Variants in TEX26 observed in about 807,000 individuals in gnomAD.
TEX26 encodes the protein testis-expressed protein 26.
A neutral mutation model predicts 35.3 loss-of-function variants in TEX26; 34 were observed. The observed-to-expected ratio is 0.96, with a 90% CI of 0.73 to 1.28. The LOEUF is 1.28. TEX26 is among the 50% of genes most tolerant of loss of function. TEX26 has a pLI of 0.00. For missense variants in TEX26, 371 were observed against 330.1 expected, an observed-to-expected ratio of 1.12 and a Z score of -0.96; for synonymous variants, 136 against 111.8, an observed-to-expected ratio of 1.22 and a Z score of -1.36.
chr13:30,950,552 A>G (rs964083321), intron 2 of TEX26, among the ~76,000 whole-genome samples: 2 of 152,162 alleles, frequency 1.3e-5, no homozygotes, highest in Admixed American at 6.5e-5. Flanking sequence ...TAAGCATTCT[A>G]CATCCTCTCT....
In TEX26 at chr13:30,932,772, GC is replaced by G; in HGVS notation, c.59del (p.Pro20GlnfsTer14). 5.6e-6 allele frequency: 9 copies of G among 1,614,024 alleles called. No homozygotes were observed. Among genetic ancestry groups the G allele is most frequent in the Non-Finnish European group, 6.8e-6 (8 of 1,179,990 alleles). On this transcript the variant is annotated frameshift_variant, in exon 1 of 7. Coordinates refer to ENST00000380473, the MANE Select transcript of TEX26 (RefSeq NM_152325.3). LOFTEE classifies it high-confidence loss of function. ...DPSLCHHNLQ[P>X]TDDPNWDSYA... is the part of the protein sequence containing the mutation. ...CCTCTCTCTGCCACCACAACCTCCAGCCAAGTAAGACAGCAGACTCTGCCGG... is the reference window on the plus strand; with the variant it reads ...CCTCTCTCTGCCACCACAACCTCCAGCAAGTAAGACAGCAGACTCTGCCGG...
intron 4 of TEX26, among the ~76,000 whole-genome samples, chr13:30,963,304 G>T (rs7321407): frequency 1.1e-4 from 16 of 151,968 alleles, no homozygotes; most frequent in African/African-American, 3.4e-4. Context: ...AGGAACCCTG[G>T]GGGGAGGCGT....
At position 30,955,493 on chromosome 13, in the gene TEX26, G is replaced by A. The variant is rs184552146; in HGVS notation, c.313-1380G>A. ...GTTGATAGATTGTGAGGGAAAGAAG[G>A]GAATCAAGAGAGAACTTGAAAATTA... On this transcript the variant is annotated intron_variant, in intron 3 of 6. Transcript: ENST00000380473. 9.8e-5 allele frequency among the ~76,000 whole-genome samples: 15 copies of A among 152,304 alleles called. No individual in the cohort carries two copies. The East Asian group carries it at 2.9e-3, about 29-fold the overall frequency.
At chr13:30,937,452 A>G (rs1001321176) in intron 1 of TEX26, among the ~76,000 whole-genome samples, 1 of 152,208 alleles carries the variant, frequency 6.6e-6, no homozygotes. Context: ...TTTGTGCAGA[A>G]TATCCTTCCT....
chr13:30,943,267 G>A (rs12870193), intron 2 of TEX26, among the ~76,000 whole-genome samples: 32,835 of 151,906 alleles, frequency 0.22, 3,717 homozygotes, highest in East Asian at 0.44. Flanking sequence ...GTTGTACAAC[G>A]GATTGAGTTA....
At chr13:30,949,887 T>G (rs774197146) in intron 2 of TEX26, among the ~76,000 whole-genome samples, 36 of 152,142 alleles carry the variant, frequency 2.4e-4, no homozygotes, top group Non-Finnish European at 4.9e-4. Context: ...AAGTTACATA[T>G]AGTGAAAATT....
At chr13:30,948,954 C>G (rs1197774086) in intron 2 of TEX26, among the ~76,000 whole-genome samples, 1 of 152,200 alleles carries the variant, frequency 6.6e-6, no homozygotes. Context: ...CAGCTTTCTA[C>G]ATATGGCTAG....
At chr13:30,934,552 C>T (rs1157128130) in intron 1 of TEX26, among the ~76,000 whole-genome samples, 1 of 152,238 alleles carries the variant, frequency 6.6e-6, no homozygotes, top group Non-Finnish European at 1.5e-5. Context: ...CAAGTCTGCA[C>T]TCCCTCTACA....
At chr13:30,961,158 C>T (rs1168819020) in intron 4 of TEX26, among the ~76,000 whole-genome samples, 1 of 152,218 alleles carries the variant, frequency 6.6e-6, no homozygotes, top group Non-Finnish European at 1.5e-5. Flanking sequence ...CAGACTTTCA[C>T]TGACCCCTCT....
intron 3 of TEX26, among the ~76,000 whole-genome samples, chr13:30,954,230 T>C (rs2138259222): frequency 6.6e-6 from 1 of 150,852 alleles, no homozygotes; most frequent in African/African-American, 2.4e-5. Flanking sequence ...ATCCATTCAT[T>C]GTAATGTATT....
intron 3 of TEX26, among the ~76,000 whole-genome samples, chr13:30,956,377 G>C (rs1954131966): frequency 6.6e-6 from 1 of 151,934 alleles, no homozygotes; most frequent in South Asian, 2.1e-4. Flanking sequence ...AGTATTCCAT[G>C]GTGTATATGT....
Position 30,961,722 on chromosome 13 carries a change from C to A in TEX26, c.470-4500C>A, listed in dbSNP as rs148481133. Among the ~76,000 whole-genome samples, 22 of 152,288 alleles carry A rather than the reference C, an allele frequency of 1.4e-4. No individual in the cohort carries two copies. The East Asian group carries it at 4.2e-3, about 29-fold the overall frequency. On this transcript the variant is annotated intron_variant, in intron 4 of 6. Transcript: ENST00000380473. The stretch of plus-strand genomic sequence containing the variant: ...ACTGAACTGCTCCTTTCAAGGTCTG[C>A]AATGACCTTCAATGGAGATTTTTCC...
intron 4 of TEX26, among the ~76,000 whole-genome samples, chr13:30,958,153 C>T (rs1478302819): frequency 6.6e-6 from 1 of 152,104 alleles, no homozygotes; most frequent in Non-Finnish European, 1.5e-5. Flanking sequence ...GCTGGGAACA[C>T]CTTTGACTGT....
chr13:30,950,182 G>A (rs1953867100), intron 2 of TEX26, among the ~76,000 whole-genome samples: 1 of 152,160 alleles, frequency 6.6e-6, no homozygotes, highest in African/African-American at 2.4e-5. Flanking sequence ...AAGGCGGGTA[G>A]GTCACCTGAG....
intron 1 of TEX26, 106 bp downstream of exon 1, chr13:30,932,882 C>A: frequency 7.9e-7 from 1 of 1,267,088 alleles, no homozygotes; most frequent in Non-Finnish European, 1.1e-6. Context: ...TGTGGCATCG[C>A]TCTTAGGAGT....
At chr13:30,948,965 C>A (rs1436442079) in intron 2 of TEX26, among the ~76,000 whole-genome samples, 1 of 152,292 alleles carries the variant, frequency 6.6e-6, no homozygotes, top group Non-Finnish European at 1.5e-5. Context: ...ATATGGCTAG[C>A]CAGTTTTCCC....
intron 4 of TEX26, among the ~76,000 whole-genome samples, chr13:30,965,003 G>A (rs1278818602): frequency 6.6e-6 from 1 of 152,182 alleles, no homozygotes; most frequent in African/African-American, 2.4e-5. Flanking sequence ...CTAAGTTATA[G>A]ATGGAAGTTA....
At chr13:30,966,467 C>T (rs1444151373) in intron 5 of TEX26, 69 bp downstream of exon 5, 250 of 1,327,944 alleles carry the variant, frequency 1.9e-4, no homozygotes, top group Non-Finnish European at 2.2e-4. Context: ...GACGGAGTTT[C>T]CCTCTTGTCG....
intron 2 of TEX26, among the ~76,000 whole-genome samples, chr13:30,942,298 T>G (rs1019693932): frequency 2.0e-5 from 3 of 152,180 alleles, no homozygotes; most frequent in African/African-American, 7.2e-5. Flanking sequence ...GTTTTTCATA[T>G]GTTTTTGGCC....
Sources: allele counts gnomAD v4.1 joint callset (sites outside exome capture counted in the v4.1 genomes callset), GRCh38; gene constraint gnomAD v4.1.1; transcripts MANE v1.5; gene names NCBI Gene and HGNC (gene_info 2026-07-23, HGNC 2026-07-21).